DYM: variants seen among roughly 807,000 people sequenced by gnomAD.
DYM encodes the protein dyggve-Melchior-Clausen syndrome protein.
DYM carries 78 observed loss-of-function variants against 93.1 expected under a neutral mutation model. The ratio of observed to expected loss-of-function variants is 0.84; its 90% CI spans 0.70 to 1.01. DYM has a LOEUF of 1.01. Ranked by LOEUF, DYM falls within the 50% of genes least tolerant of loss-of-function variation. The pLI is 0.00. For missense variants in DYM, 789 were observed against 845.0 expected (o/e 0.93, Z 0.82); for synonymous variants, 321 against 319.7 (o/e 1.00, Z -0.04).
At chr18:49,097,029 C>A (rs1484459436) in intron 17 of DYM, among the ~76,000 whole-genome samples, 1 of 152,164 alleles carries the variant, frequency 6.6e-6, no homozygotes, top group Non-Finnish European at 1.5e-5. Flanking sequence ...ACATTTAGAA[C>A]CTGTGTGGCA....
chr18:49,094,899 C>T (rs190395647), intron 17 of DYM, among the ~76,000 whole-genome samples: 4 of 152,280 alleles, frequency 2.6e-5, no homozygotes, highest in South Asian at 4.1e-4. Context: ...CTGTGATCCT[C>T]TTAACAACCC....
chr18:49,152,613 C>G (rs1436699847), intron 15 of DYM, among the ~76,000 whole-genome samples: 2 of 152,114 alleles, frequency 1.3e-5, no homozygotes, highest in Non-Finnish European at 2.9e-5. Context: ...ACCATATGAT[C>G]CAACAATTCC....
At chr18:49,382,245 T>C (rs142718959) in intron 3 of DYM, among the ~76,000 whole-genome samples, 250 of 152,298 alleles carry the variant, frequency 1.6e-3, no homozygotes, top group African/African-American at 5.5e-3. Context: ...TCAATCAGCG[T>C]GTATTTATTG....
intron 7 of DYM, among the ~76,000 whole-genome samples, chr18:49,333,345 A>AG (rs2146855089): frequency 6.6e-6 from 1 of 152,344 alleles, no homozygotes; most frequent in Admixed American, 6.5e-5. Flanking sequence ...AAAGAGAGTA[A>AG]GGGGGCATAG....
intron 2 of DYM, among the ~76,000 whole-genome samples, chr18:49,402,915 T>C (rs759010815): frequency 9.2e-5 from 14 of 152,188 alleles, no homozygotes; most frequent in Non-Finnish European, 1.6e-4. Flanking sequence ...CATTAACTAC[T>C]GGTATGACCT....
chr18:49,216,111 G>A (rs1366881024), intron 13 of DYM, among the ~76,000 whole-genome samples: 1 of 152,224 alleles, frequency 6.6e-6, no homozygotes, highest in Non-Finnish European at 1.5e-5. Flanking sequence ...CCCGCACCTG[G>A]CTCGGAGGGT....
At chr18:49,396,470 A>G (rs779769798) in intron 2 of DYM, among the ~76,000 whole-genome samples, 22 of 152,182 alleles carry the variant, frequency 1.4e-4, no homozygotes, top group Non-Finnish European at 2.8e-4. Flanking sequence ...CCAAAATCCA[A>G]AATAGTACAG....
At chr18:49,145,779 A>G (rs1412060418) in intron 15 of DYM, among the ~76,000 whole-genome samples, 1 of 152,098 alleles carries the variant, frequency 6.6e-6, no homozygotes, top group Non-Finnish European at 1.5e-5. Context: ...TAGGTAGAAG[A>G]TTTATCTGTT....
At chr18:49,343,461 C>T (rs1350881589) in intron 6 of DYM, among the ~76,000 whole-genome samples, 1 of 152,184 alleles carries the variant, frequency 6.6e-6, no homozygotes, top group Non-Finnish European at 1.5e-5. Flanking sequence ...TCACAAGAAG[C>T]CCTCCCTTAT....
At chr18:49,077,548 A>C (rs1281964024) in intron 17 of DYM, among the ~76,000 whole-genome samples, 1 of 152,162 alleles carries the variant, frequency 6.6e-6, no homozygotes, top group African/African-American at 2.4e-5. Flanking sequence ...TCTTCAGTGA[A>C]TTTTTCTGGT....
intron 13 of DYM, among the ~76,000 whole-genome samples, chr18:49,251,864 T>C (rs2094295124): frequency 6.6e-6 from 1 of 152,002 alleles, no homozygotes; most frequent in African/African-American, 2.4e-5. Context: ...AGGAGAAAGA[T>C]CTAGATTATG....
At chr18:49,299,530 C>A (rs1425084523) in intron 8 of DYM, among the ~76,000 whole-genome samples, 1 of 152,126 alleles carries the variant, frequency 6.6e-6, no homozygotes, top group African/African-American at 2.4e-5. Flanking sequence ...CCTTGCAACA[C>A]CCTGTCCACC....
At chr18:49,445,883 A>C (rs1293581302) in intron 1 of DYM, among the ~76,000 whole-genome samples, 3 of 152,192 alleles carry the variant, frequency 2.0e-5, no homozygotes, top group African/African-American at 7.2e-5. Context: ...AACATGGTGA[A>C]GTACTCACCA....
intron 15 of DYM, among the ~76,000 whole-genome samples, chr18:49,150,969 T>C (rs923473663): frequency 3.9e-5 from 6 of 152,218 alleles, no homozygotes; most frequent in African/African-American, 1.4e-4. Flanking sequence ...AATAACTGCT[T>C]TGTTGTAATA....
chr18:49,044,124 G>A lies in DYM; in HGVS notation c.2106C>T (p.Val702=). 1.2e-6 allele frequency: 2 copies of A among 1,614,160 alleles called. No homozygotes were observed. Among genetic ancestry groups the A allele is most frequent in the Non-Finnish European group, 1.7e-6 (2 of 1,180,024 alleles). The change falls in exon 18 of 18, where the codon GTC becomes GTT. Residue 702 remains valine (V), a synonymous_variant. Transcript: ENST00000675505. ...EFFIPYVWSL[V]YNSAVGLYWN... is the part of the protein sequence containing the mutation. ...AGTACAGGCCGACTGCTGAGTTGTA[G>A]ACAAGAGACCAGACATAGGGGATAA...
chr18:49,272,601 C>T (rs1321320806), intron 10 of DYM, among the ~76,000 whole-genome samples: 1 of 152,148 alleles, frequency 6.6e-6, no homozygotes, highest in African/African-American at 2.4e-5. Context: ...TAAGAAGTCA[C>T]ATTGCCTTCT....
In DYM at chr18:49,143,860, T is replaced by C. The variant is rs561970756; in HGVS notation, c.1728+19825A>G. Among the ~76,000 whole-genome samples, 79 of 152,308 alleles carry C rather than the reference T, an allele frequency of 5.2e-4. 1 individual carries two copies. The highest frequency in any genetic ancestry group is 1.8e-3 in the African/African-American group (75 of 41,588). On this transcript the variant is annotated intron_variant, in intron 15 of 17. Transcript: ENST00000675505. Reference sequence around the variant, plus strand: ...ACTCATGGCTAATCTTGTTTCCTTATACTCATTCATTTCCTCTTCTCCAGG... The same window carrying C: ...ACTCATGGCTAATCTTGTTTCCTTACACTCATTCATTTCCTCTTCTCCAGG...
rs545043157 is a variant in DYM at position 49,169,166 on chromosome 18, C to T, written c.1626-5379G>A. Among the ~76,000 whole-genome samples, 5 of 152,246 alleles carry T rather than the reference C, an allele frequency of 3.3e-5. No individual in the cohort carries two copies. In the South Asian group the frequency reaches 6.2e-4, roughly 19 times the overall value. Reference sequence around the variant, plus strand: ...GTTTCTGTCCTGCCTCCCCAGAGGGCGCAGTCAGGTGAAAAAGGACGTGCC... The same window carrying T: ...GTTTCTGTCCTGCCTCCCCAGAGGGTGCAGTCAGGTGAAAAAGGACGTGCC... On this transcript the variant is annotated intron_variant, in intron 14 of 17. Coordinates refer to ENST00000675505, the MANE Select transcript of DYM (RefSeq NM_001353214.3).
chr18:49,258,821 C>CACACACACAG (rs796581808), intron 11 of DYM, among the ~76,000 whole-genome samples: 2,110 of 134,382 alleles, frequency 0.016, 88 homozygotes, highest in African/African-American at 0.052. Context: ...CACACACACA[C>CACACACACAG]AGAGACACAC....
Sources: gnomAD v4.1 joint callset for allele counts (sites outside exome capture counted in the v4.1 genomes callset) on GRCh38, gnomAD v4.1.1 for gene constraint, MANE v1.5 for transcripts, NCBI Gene and HGNC (gene_info 2026-07-23, HGNC 2026-07-21) for gene names.